ACMSD: variants seen among roughly 807,000 people sequenced by gnomAD.
ACMSD encodes 2-amino-3-carboxymuconate-6-semialdehyde decarboxylase.
ACMSD carries 37 observed loss-of-function variants against 45.9 expected under a neutral mutation model. The ratio of observed to expected loss-of-function variants is 0.81; its 90% confidence interval spans 0.62 to 1.06. The LOEUF is 1.06. ACMSD is among the 50% of genes least tolerant of loss of function. ACMSD has a pLI of 0.00. For synonymous variants in ACMSD, 138 were observed against 148.8 expected, an observed-to-expected ratio of 0.93 and a Z score of 0.53; for missense variants, 434 against 420.9, an observed-to-expected ratio of 1.03 and a Z score of -0.27.
At chr2:134,849,396 A>G (rs1687224696) in intron 2 of ACMSD, among the ~76,000 whole-genome samples, 1 of 152,250 alleles carries the variant, frequency 6.6e-6, no homozygotes. Flanking sequence ...TCATAATTAC[A>G]GTTGTCAGGG....
At chr2:134,899,236 ATTAAAGATATTG>A (rs1413735245) in intron 9 of ACMSD, among the ~76,000 whole-genome samples, 23 of 152,282 alleles carry the variant, frequency 1.5e-4, no homozygotes, top group African/African-American at 5.5e-4. Context: ...TGCCTTAACT[ATTAAAGATATTG>A]TTCATCAAAT....
At chr2:134,856,015 T>TG (rs1687564263) in intron 2 of ACMSD, among the ~76,000 whole-genome samples, 1 of 152,152 alleles carries the variant, frequency 6.6e-6, no homozygotes, top group Admixed American at 6.5e-5. Flanking sequence ...CCACCAAAGG[T>TG]GGTGTGCCCT....
intron 2 of ACMSD, among the ~76,000 whole-genome samples, chr2:134,847,867 T>C (rs1687150967): frequency 6.6e-6 from 1 of 151,882 alleles, no homozygotes; most frequent in Admixed American, 6.6e-5. Flanking sequence ...TTTTTTTTTT[T>C]TGAGATGGAG....
chr2:134,895,327 G>A (rs576467645), intron 8 of ACMSD, among the ~76,000 whole-genome samples: 1 of 43,090 alleles, frequency 2.3e-5, no homozygotes, highest in Non-Finnish European at 4.1e-5. Context: ...ATATATATAT[G>A]TTATATATAT....
chr2:134,858,536 T>A (rs1687690481), intron 2 of ACMSD, among the ~76,000 whole-genome samples: 1 of 152,172 alleles, frequency 6.6e-6, no homozygotes, highest in African/African-American at 2.4e-5. Flanking sequence ...TCAAAAAAAA[T>A]AAGTATGTGA....
chr2:134,840,180 A>AAAAAAACAAAAAC (rs1686725649), intron 1 of ACMSD, among the ~76,000 whole-genome samples: 1 of 140,042 alleles, frequency 7.1e-6, no homozygotes, highest in South Asian at 2.7e-4. Context: ...AAAAAAAAAA[A>AAAAAAACAAAAAC]AAAAAAAAAA....
At position 134,845,227 on chromosome 2, in the gene ACMSD, C is replaced by G. The variant is rs1185258892; in HGVS notation, c.58-6C>G. The G allele has an allele frequency of 6.2e-7, 1 of 1,614,014 alleles. No individual in the cohort carries two copies. The highest frequency in any genetic ancestry group is 8.5e-7 in the Non-Finnish European group (1 of 1,180,008). On this transcript the variant is annotated splice_region_variant and splice_polypyrimidine_tract_variant and intron_variant, in intron 1 of 9. Transcript: ENST00000356140. ...TTGACTCTAACTGTGCTTCTCCCCACTGCAGAGGTTTGGCTACGGAGGCTG... is the reference window on the plus strand; with the variant it reads ...TTGACTCTAACTGTGCTTCTCCCCAGTGCAGAGGTTTGGCTACGGAGGCTG...
intron 1 of ACMSD, among the ~76,000 whole-genome samples, chr2:134,841,181 T>C (rs1234464234): frequency 2.6e-5 from 4 of 152,200 alleles, no homozygotes; most frequent in African/African-American, 4.8e-5. Context: ...ACATAAACCT[T>C]GTGAAATATG....
chr2:134,868,629 T>G (rs184484868), intron 6 of ACMSD, among the ~76,000 whole-genome samples: 3 of 152,006 alleles, frequency 2.0e-5, no homozygotes, highest in Non-Finnish European at 2.9e-5. Flanking sequence ...ATCTTTGTAT[T>G]TTCAGTAGAA....
chr2:134,893,979 G>C (rs1689946105), intron 8 of ACMSD, among the ~76,000 whole-genome samples: 1 of 152,164 alleles, frequency 6.6e-6, no homozygotes, highest in Non-Finnish European at 1.5e-5. Flanking sequence ...GTAGTACTTA[G>C]TGAAAAATTT....
In ACMSD at chr2:134,872,556, C is replaced by G; in HGVS notation, c.764C>G (p.Pro255Arg). Residue 255 changes from proline to arginine, a missense_variant, in exon 8 of 10, where the codon CCG becomes CGG. Pro to Arg is a moderately radical substitution (Grantham distance 103). Transcript: ENST00000356140. ...DLCAQDNPMN[P>R]KKYLGSFYTD... is the part of the protein sequence containing the mutation. ...TGTGCCCAGGACAACCCCATGAACCCGAAGAAATACCTTGGTTCCTTTTAC... is the reference window on the plus strand; with the variant it reads ...TGTGCCCAGGACAACCCCATGAACCGGAAGAAATACCTTGGTTCCTTTTAC... The G allele has an allele frequency of 4.3e-6, 7 of 1,614,070 alleles. No homozygotes were observed. Among genetic ancestry groups the G allele is most frequent in the Non-Finnish European group, 5.9e-6 (7 of 1,180,018 alleles).
At chr2:134,866,559 C>G (rs1474619610) in intron 5 of ACMSD, among the ~76,000 whole-genome samples, 1 of 152,180 alleles carries the variant, frequency 6.6e-6, no homozygotes, top group East Asian at 1.9e-4. Context: ...CTGACACTTC[C>G]AGAATCCCTT....
At chr2:134,896,755 T>C (rs1244146879) in intron 8 of ACMSD, among the ~76,000 whole-genome samples, 2 of 152,172 alleles carry the variant, frequency 1.3e-5, no homozygotes, top group African/African-American at 2.4e-5. Context: ...ATGTTAAACA[T>C]GGACTCACCA....
intron 1 of ACMSD, among the ~76,000 whole-genome samples, chr2:134,841,260 A>G (rs1686790972): frequency 6.6e-6 from 1 of 152,200 alleles, no homozygotes; most frequent in Non-Finnish European, 1.5e-5. Flanking sequence ...CTAGAATCCC[A>G]GAGCTATGAG....
rs540234325 is a variant in ACMSD, at chr2:134,868,143, A to C, written c.580+471A>C. On this transcript the variant is annotated intron_variant, in intron 6 of 9. Transcript: ENST00000356140. Reference sequence around the variant, plus strand: ...ATCAGCTCATACAAATGAGAACCCTAGAATTAAAGGTAGAAGGTCAACTTC... The same window carrying C: ...ATCAGCTCATACAAATGAGAACCCTCGAATTAAAGGTAGAAGGTCAACTTC... Among the ~76,000 whole-genome samples the C allele has an allele frequency of 2.0e-5, 3 of 152,310 alleles. No homozygotes were observed. In the South Asian group the frequency reaches 6.2e-4, roughly 32 times the overall value.
intron 7 of ACMSD, 71 bp downstream of exon 7, chr2:134,871,131 A>G: frequency 1.5e-6 from 2 of 1,349,684 alleles, no homozygotes; most frequent in South Asian, 2.4e-5. Flanking sequence ...GACTGTAAGA[A>G]AACAGAAATT....
chr2:134,899,748 T>C (rs1690393045), intron 9 of ACMSD, among the ~76,000 whole-genome samples: 1 of 152,136 alleles, frequency 6.6e-6, no homozygotes, highest in South Asian at 2.1e-4. Flanking sequence ...AAACAATCTT[T>C]AGGGGAATAG....
At chr2:134,850,826 C>G (rs1368061135) in intron 2 of ACMSD, among the ~76,000 whole-genome samples, 1 of 152,134 alleles carries the variant, frequency 6.6e-6, no homozygotes, top group Admixed American at 6.5e-5. Flanking sequence ...GATACAGGTG[C>G]AGGTTTGTTA....
In ACMSD at chr2:134,885,368, ATT is replaced by A. The variant is rs571986986; in HGVS notation, c.849+12728_849+12729del. On this transcript the variant is annotated intron_variant, in intron 8 of 9. Coordinates refer to ENST00000356140, the MANE Select transcript of ACMSD (RefSeq NM_138326.3). ...ATATATAATATATATTTACATATAT[ATT>A]ATATATAATATATATGTAAATATAT... 7.4e-3 allele frequency among the ~76,000 whole-genome samples: 776 copies of A among 105,396 alleles called. 7 individuals are homozygous for A. The highest frequency in any genetic ancestry group is 0.031 in the East Asian group (87 of 2,818). 69.1% of individuals were successfully genotyped at this position (105,396 alleles called of 152,430 possible).
Sources: allele counts gnomAD v4.1 joint callset (sites outside exome capture counted in the v4.1 genomes callset), GRCh38; gene constraint gnomAD v4.1.1; transcripts MANE v1.5; gene names NCBI Gene and HGNC (gene_info 2026-07-23, HGNC 2026-07-21).